SLC41A2: variants seen among roughly 807,000 people sequenced by gnomAD.
SLC41A2 encodes the protein solute carrier family 41 member 2, also known as SLC41A1-like 1.
Under a neutral mutation model 58.3 loss-of-function variants are expected in SLC41A2, and 32 were observed. The observed-to-expected ratio is 0.55, with a 90% CI of 0.41 to 0.74. SLC41A2 has a LOEUF of 0.74. SLC41A2 is among the 30% of genes least tolerant of loss of function. The probability of loss-of-function intolerance (pLI) is 0.00; values close to 1 mark genes in which losing one functional copy is unlikely to be tolerated. For missense variants in SLC41A2, 514 were observed against 680.6 expected (o/e 0.76, Z 2.72); for synonymous variants, 190 against 235.0 (o/e 0.81, Z 1.75).
At chr12:104,816,397 AATCCTTGGAGGCCCAAAACAAAGGG>A (rs1373323466) in intron 10 of SLC41A2, among the ~76,000 whole-genome samples, 1 of 152,204 alleles carries the variant, frequency 6.6e-6, no homozygotes, top group Non-Finnish European at 1.5e-5. Flanking sequence ...GAAGGAAAGG[AATCCTTGGAGGCCCAAAACAAAGGG>A]AAACAGCATG....
intron 10 of SLC41A2, among the ~76,000 whole-genome samples, chr12:104,825,588 T>C (rs536334249): frequency 7.8e-4 from 119 of 152,246 alleles, no homozygotes; most frequent in African/African-American, 2.6e-3. Flanking sequence ...GTTTCTGATA[T>C]GGAAGTTAAG....
At chr12:104,897,238 C>A (rs569801414) in intron 3 of SLC41A2, among the ~76,000 whole-genome samples, 1 of 151,480 alleles carries the variant, frequency 6.6e-6, no homozygotes, top group Admixed American at 6.6e-5. Context: ...CTCCACCTCC[C>A]AGGTTCAAGC....
intron 10 of SLC41A2, among the ~76,000 whole-genome samples, chr12:104,817,966 AAG>A (rs2041479289): frequency 3.3e-5 from 5 of 152,286 alleles, no homozygotes. Flanking sequence ...AAATTGTTAA[AAG>A]AGTAGATTTT....
chr12:104,831,381 G>A (rs2042030884), intron 10 of SLC41A2, among the ~76,000 whole-genome samples: 1 of 152,084 alleles, frequency 6.6e-6, no homozygotes, highest in African/African-American at 2.4e-5. Context: ...CCTGCCAAAC[G>A]TAAAGTTTAA....
chr12:104,932,753 C>A (rs547853523), intron 1 of SLC41A2, among the ~76,000 whole-genome samples: 15 of 150,724 alleles, frequency 1.0e-4, no homozygotes, highest in Non-Finnish European at 2.2e-4. Flanking sequence ...AACTGATATT[C>A]AAGAAGCACA....
chr12:104,813,917 T>C (rs1592920352), intron 10 of SLC41A2, among the ~76,000 whole-genome samples: 1 of 151,086 alleles, frequency 6.6e-6, no homozygotes. Context: ...ATTACAGGCT[T>C]GAGCCTCCGC....
Position 104,886,406 on chromosome 12 carries a change from T to C in SLC41A2, c.914A>G (p.Lys305Arg). The C allele has an allele frequency of 6.2e-7, 1 of 1,613,516 alleles. No homozygotes were observed. Among genetic ancestry groups the C allele is most frequent in the Non-Finnish European group, 8.5e-7 (1 of 1,179,532 alleles). The change falls in exon 6 of 11, where the codon AAG becomes AGG. Residue 305 changes from lysine to arginine, a missense_variant. Lys to Arg is a conservative substitution (Grantham distance 26). Transcript: ENST00000258538. ...ATTATCAGGATTTATACCAGTCTTC[T>C]TTGAACCAACGATAACCCCAACCAT... ...IIMVGVIVGS[K>R]KTGINPDNVA...
At chr12:104,853,911 A>ATTTTTTT (rs1555202443) in intron 8 of SLC41A2, among the ~76,000 whole-genome samples, 8 of 59,494 alleles carry the variant, frequency 1.3e-4, no homozygotes, top group African/African-American at 5.5e-4. Context: ...TGCCTGGCTG[A>ATTTTTTT]TTTTTTTTTT....
chr12:104,929,406 C>T (rs1438907932), intron 1 of SLC41A2, among the ~76,000 whole-genome samples: 1 of 152,140 alleles, frequency 6.6e-6, no homozygotes, highest in African/African-American at 2.4e-5. Flanking sequence ...ATTTGCAAAC[C>T]AGCCAGAAGA....
At chr12:104,905,805 G>C (rs1037209780) in intron 3 of SLC41A2, among the ~76,000 whole-genome samples, 3 of 152,256 alleles carry the variant, frequency 2.0e-5, no homozygotes, top group African/African-American at 7.2e-5. Context: ...TGGCTGCTCC[G>C]AGTGCGGGGC....
intron 1 of SLC41A2, among the ~76,000 whole-genome samples, chr12:104,934,780 C>A (rs2047196599): frequency 6.6e-6 from 1 of 151,988 alleles, no homozygotes; most frequent in Admixed American, 6.5e-5. Flanking sequence ...ATAAGCTAGG[C>A]ACAGAAAGAA....
chr12:104,878,299 TTATATATATATATA>T (rs55670022), intron 6 of SLC41A2, among the ~76,000 whole-genome samples: 1 of 139,920 alleles, frequency 7.1e-6, no homozygotes, highest in Non-Finnish European at 1.5e-5. Context: ...TACCTGTATT[TTATATATATATATA>T]TATATATATA....
chr12:104,943,777 G>A (rs1444114397), intron 1 of SLC41A2, among the ~76,000 whole-genome samples: 1 of 152,234 alleles, frequency 6.6e-6, no homozygotes, highest in African/African-American at 2.4e-5. Context: ...GCCTAGCTGG[G>A]AAGGTGACCG....
intron 10 of SLC41A2, among the ~76,000 whole-genome samples, chr12:104,815,454 A>G (rs899405638): frequency 1.3e-5 from 2 of 152,194 alleles, no homozygotes; most frequent in Non-Finnish European, 2.9e-5. Flanking sequence ...ATAAATATAT[A>G]AAGTACAAAA....
intron 10 of SLC41A2, among the ~76,000 whole-genome samples, chr12:104,819,385 A>C (rs1400762559): frequency 6.6e-6 from 1 of 152,214 alleles, no homozygotes; most frequent in African/African-American, 2.4e-5. Flanking sequence ...CTAAATGGTT[A>C]CGTTAGAAAA....
In SLC41A2 at chr12:104,846,923, A is replaced by G. The variant is rs1299258217; in HGVS notation, c.1256-949T>C. 2.0e-5 allele frequency among the ~76,000 whole-genome samples: 3 copies of G among 152,226 alleles called. No individual in the cohort carries two copies. The East Asian group carries it at 5.8e-4, about 29-fold the overall frequency. ...CCATTTCTAGGCATAAATAATATTT[A>G]TCTCAGTCTCCAATGGTCTTGTATG... On this transcript the variant is annotated intron_variant, in intron 8 of 10. Coordinates refer to ENST00000258538, the MANE Select transcript of SLC41A2 (RefSeq NM_001352171.3).
chr12:104,805,398 G>A (rs762892533), intron 10 of SLC41A2, 61 bp from the exon 11 acceptor site: 8 of 1,451,024 alleles, frequency 5.5e-6, no homozygotes, highest in Non-Finnish European at 6.5e-6. Flanking sequence ...ATGAAACATG[G>A]CCACAAGCCT....
chr12:104,861,736 C>A (rs1466034800), intron 7 of SLC41A2, among the ~76,000 whole-genome samples: 1 of 152,022 alleles, frequency 6.6e-6, no homozygotes, highest in Admixed American at 6.6e-5. Context: ...TCCTTCTGTG[C>A]TTATTAATTT....
intron 3 of SLC41A2, among the ~76,000 whole-genome samples, chr12:104,903,569 A>C (rs911656292): frequency 6.6e-6 from 1 of 152,216 alleles, no homozygotes; most frequent in Non-Finnish European, 1.5e-5. Flanking sequence ...TTGTATTTCT[A>C]ACAAGTTGCT....
Sources: allele counts gnomAD v4.1 joint callset (sites outside exome capture counted in the v4.1 genomes callset), GRCh38; gene constraint gnomAD v4.1.1; transcripts MANE v1.5; gene names NCBI Gene and HGNC (gene_info 2026-07-23, HGNC 2026-07-21).